Variants in AGPAT5 observed in about 807,000 individuals in gnomAD.
The protein encoded by AGPAT5 is 1-acylglycerol-3-phosphate O-acyltransferase 5, also known as 1-acyl-sn-glycerol-3-phosphate acyltransferase epsilon.
In AGPAT5, 46 loss-of-function variants were observed where a neutral mutation model predicts 45.6. The ratio of observed to expected loss-of-function variants is 1.01; its 90% confidence interval spans 0.80 to 1.29. AGPAT5 has a LOEUF of 1.29. Among genes scored for constraint, AGPAT5 ranks in the 50% most tolerant of loss-of-function variants. AGPAT5 has a pLI of 0.00. For synonymous variants in AGPAT5, 272 were observed against 167.0 expected (o/e 1.63, Z -4.85); for missense variants, 673 against 450.7 (o/e 1.49, Z -4.47).
intron 4 of AGPAT5, 68 bp downstream of exon 4, chr8:6,732,718 A>G: frequency 7.7e-7 from 1 of 1,302,342 alleles, no homozygotes; most frequent in South Asian, 1.5e-5. Context: ...TTAAATTAAA[A>G]TCTAAGAATT....
chr8:6,731,310 C>T (rs903555327), intron 3 of AGPAT5, among the ~76,000 whole-genome samples: 1 of 151,992 alleles, frequency 6.6e-6, no homozygotes, highest in Non-Finnish European at 1.5e-5. Context: ...TATCCATATG[C>T]GGTTTTCCTT....
intron 6 of AGPAT5, among the ~76,000 whole-genome samples, chr8:6,752,324 A>C (rs528233362): frequency 6.6e-6 from 1 of 152,268 alleles, no homozygotes; most frequent in African/African-American, 2.4e-5. Context: ...CTTTTTTATA[A>C]TGTCTATATG....
intron 6 of AGPAT5, among the ~76,000 whole-genome samples, chr8:6,749,201 GT>G (rs1801572174): frequency 6.6e-6 from 1 of 152,258 alleles, no homozygotes; most frequent in African/African-American, 2.4e-5. Flanking sequence ...GGTCACTCAG[GT>G]TTTAAAAGAA....
At chr8:6,741,873 A>G (rs1801255503) in intron 5 of AGPAT5, 122 bp downstream of exon 5, 1 of 689,094 alleles carries the variant, frequency 1.5e-6, no homozygotes, top group South Asian at 1.9e-5. Flanking sequence ...CATTCCTTGA[A>G]TTAGTGTACA....
chr8:6,721,944 G>T (rs761928940), intron 1 of AGPAT5, among the ~76,000 whole-genome samples: 1 of 151,972 alleles, frequency 6.6e-6, no homozygotes, highest in Non-Finnish European at 1.5e-5. Context: ...TCTTCTGCTT[G>T]AGATTCCTGA....
chr8:6,741,859 T>A, intron 5 of AGPAT5, 108 bp downstream of exon 5: 2 of 789,192 alleles, frequency 2.5e-6, no homozygotes, highest in East Asian at 5.1e-5. Context: ...GGAATGAATG[T>A]ATTCATTCCT....
At chr8:6,721,550 A>G (rs369918055) in intron 1 of AGPAT5, among the ~76,000 whole-genome samples, 102 of 152,334 alleles carry the variant, frequency 6.7e-4, no homozygotes, top group African/African-American at 2.4e-3. Context: ...AGTAGTTACT[A>G]TTATTACACT....
rs767643012 is a variant in AGPAT5, at chr8:6,757,170, A to G, written c.877A>G (p.Ile293Val). The G allele has an allele frequency of 1.2e-6, 2 of 1,613,048 alleles. No homozygotes were observed. The highest frequency in any genetic ancestry group is 1.7e-6 in the Non-Finnish European group (2 of 1,179,668). The change falls in exon 8 of 8, where the codon ATA (isoleucine) becomes GTA (valine). Residue 293 changes from isoleucine (I) to valine (V), a missense_variant. Physicochemically the swap from Ile to Val is conservative, Grantham distance 29. Transcript: ENST00000285518. ...ERFEIKDKML[I>V]EFYESPDPER... ...TTTCCATTCTGGCCATAGGATGCTT[A>G]TAGAATTTTATGAGTCACCAGATCC...
intron 3 of AGPAT5, 135 bp downstream of exon 3, chr8:6,730,961 G>T: frequency 2.1e-6 from 1 of 470,502 alleles, no homozygotes. Flanking sequence ...CTTGACCTCT[G>T]GGGCTCAAGT....
chr8:6,730,760 A>T lies in AGPAT5; in HGVS notation c.339A>T (p.Gly113=). ...DILAIRQNAL[G]HVRYVLKEGL... Reference sequence around the variant, plus strand: ...TGGCCATCAGGCAGAATGCGCTAGGACATGTGCGCTACGTGCTGAAAGAAG... The same window carrying T: ...TGGCCATCAGGCAGAATGCGCTAGGTCATGTGCGCTACGTGCTGAAAGAAG... Residue 113 remains glycine (G), a synonymous_variant, in exon 3 of 8, where the codon GGA becomes GGT. Coordinates refer to ENST00000285518, the MANE Select transcript of AGPAT5 (RefSeq NM_018361.5). 6.2e-7 allele frequency: 1 copy of T among 1,613,656 alleles called. No homozygotes were observed. The highest frequency in any genetic ancestry group is 8.5e-7 in the Non-Finnish European group (1 of 1,179,678).
intron 5 of AGPAT5, among the ~76,000 whole-genome samples, chr8:6,744,526 C>G (rs899840429): frequency 6.6e-5 from 10 of 152,132 alleles, no homozygotes; most frequent in Non-Finnish European, 1.3e-4. Flanking sequence ...TTGGGGGGAT[C>G]TTGTTCTCCT....
intron 6 of AGPAT5, among the ~76,000 whole-genome samples, chr8:6,752,610 G>A (rs542524526): frequency 5.9e-4 from 90 of 152,214 alleles, no homozygotes; most frequent in Non-Finnish European, 1.1e-3. Flanking sequence ...TGACCTGTAC[G>A]AATAGTTGGA....
chr8:6,728,958 C>A (rs1462572091), intron 2 of AGPAT5, among the ~76,000 whole-genome samples: 2 of 152,116 alleles, frequency 1.3e-5, no homozygotes, highest in African/African-American at 4.8e-5. Flanking sequence ...ATATCTCAAC[C>A]CAATAACACA....
intron 1 of AGPAT5, among the ~76,000 whole-genome samples, chr8:6,722,602 A>G (rs970185042): frequency 6.6e-6 from 1 of 152,220 alleles, no homozygotes. Context: ...AAAAGAATCA[A>G]TAGGCAGTTT....
chr8:6,733,370 G>A (rs1272897056), intron 4 of AGPAT5, among the ~76,000 whole-genome samples: 1 of 152,140 alleles, frequency 6.6e-6, no homozygotes, highest in Non-Finnish European at 1.5e-5. Context: ...CCTCACCAGG[G>A]GTCCTGGGCA....
At chr8:6,737,193 C>A (rs1801083031) in intron 4 of AGPAT5, among the ~76,000 whole-genome samples, 1 of 152,188 alleles carries the variant, frequency 6.6e-6, no homozygotes, top group Non-Finnish European at 1.5e-5. Flanking sequence ...GAGCAGCTTT[C>A]ACTGTAAGGT....
chr8:6,712,698 T>C (rs2116847574), intron 1 of AGPAT5, among the ~76,000 whole-genome samples: 1 of 152,342 alleles, frequency 6.6e-6, no homozygotes, highest in Admixed American at 6.5e-5. Flanking sequence ...TGAGTTAACG[T>C]GAAACTAGAT....
At chr8:6,711,588 AC>A (rs983974614) in intron 1 of AGPAT5, among the ~76,000 whole-genome samples, 1 of 152,228 alleles carries the variant, frequency 6.6e-6, no homozygotes, top group African/African-American at 2.4e-5. Flanking sequence ...TGATTCAAGT[AC>A]CTGTGTTACT....
rs745684355 is a variant in AGPAT5 at position 6,755,063 on chromosome 8, A to G, written c.758A>G (p.Lys253Arg). The G allele has an allele frequency of 1.3e-6, 2 of 1,591,052 alleles. No individual in the cohort carries two copies. The highest frequency in any genetic ancestry group is 1.7e-6 in the Non-Finnish European group (2 of 1,172,100). Residue 253 changes from lysine (K) to arginine (R), a missense_variant, in exon 7 of 8, where the codon AAA becomes AGA. Physicochemically the swap from Lys to Arg is conservative, Grantham distance 26 (BLOSUM62 2). Coordinates refer to ENST00000285518, the MANE Select transcript of AGPAT5 (RefSeq NM_018361.5). The stretch of plus-strand genomic sequence containing the variant: ...TGTTCTTTGTTAGAATTTCTCTGCA[A>G]AGAATGTCCAAAAATTCATATTCAC... ...ESPTMTEFLC[K>R]ECPKIHIHID... is the part of the protein sequence containing the mutation.
Sources: allele counts gnomAD v4.1 joint callset (sites outside exome capture counted in the v4.1 genomes callset), GRCh38; gene constraint gnomAD v4.1.1; transcripts MANE v1.5; gene names NCBI Gene and HGNC (gene_info 2026-07-23, HGNC 2026-07-21).